The following KCNAB1 variants were observed in gnomAD, a reference collection of about 807,000 sequenced individuals.
KCNAB1 encodes the protein voltage-gated potassium channel subunit beta-1.
KCNAB1 carries 35 observed loss-of-function variants against 64.6 expected under a neutral mutation model. The observed-to-expected ratio is 0.54, with a 90% confidence interval of 0.41 to 0.72. The LOEUF (loss-of-function observed/expected upper bound fraction) is 0.72, where lower values mean the gene tolerates loss of function less well. Among genes scored for constraint, KCNAB1 ranks in the 30% least tolerant of loss-of-function variants. The pLI, the probability that KCNAB1 is intolerant of heterozygous loss-of-function variation, is 0.00. For missense variants in KCNAB1, 401 were observed against 512.9 expected, an observed-to-expected ratio of 0.78 and a Z score of 2.11; for synonymous variants, 177 against 183.8, an observed-to-expected ratio of 0.96 and a Z score of 0.30.
intron 1 of KCNAB1, among the ~76,000 whole-genome samples, chr3:156,269,988 T>C (rs1718932612): frequency 6.8e-6 from 1 of 147,070 alleles, no homozygotes; most frequent in African/African-American, 2.5e-5. Flanking sequence ...CAATCTCGGC[T>C]CACTGCAAGC....
intron 1 of KCNAB1, among the ~76,000 whole-genome samples, chr3:156,153,353 T>A (rs1038178141): frequency 2.6e-5 from 4 of 152,150 alleles, no homozygotes; most frequent in African/African-American, 9.7e-5. Flanking sequence ...GACCATATCA[T>A]GCTCATCATG....
intron 8 of KCNAB1, among the ~76,000 whole-genome samples, chr3:156,510,744 T>C (rs1268841753): frequency 6.6e-6 from 1 of 152,154 alleles, no homozygotes. Flanking sequence ...CAGTGGACAC[T>C]GTTTGGGGCT....
At chr3:156,419,853 A>T (rs974165104) in intron 1 of KCNAB1, among the ~76,000 whole-genome samples, 2 of 152,200 alleles carry the variant, frequency 1.3e-5, no homozygotes, top group African/African-American at 4.8e-5. Flanking sequence ...TTTTTAAAAA[A>T]ATTCTCCCTA....
At chr3:156,206,781 T>C (rs974397519) in intron 1 of KCNAB1, among the ~76,000 whole-genome samples, 1 of 152,228 alleles carries the variant, frequency 6.6e-6, no homozygotes, top group African/African-American at 2.4e-5. Context: ...ATTTTCTGCT[T>C]GGCTATGTAA....
chr3:156,304,738 G>T (rs947770430), intron 1 of KCNAB1, among the ~76,000 whole-genome samples: 2 of 152,202 alleles, frequency 1.3e-5, no homozygotes, highest in African/African-American at 4.8e-5. Flanking sequence ...AGAATCCAGA[G>T]GCTAACGGAA....
At chr3:156,231,548 CTCCT>C (rs1189073907) in intron 1 of KCNAB1, among the ~76,000 whole-genome samples, 4 of 135,876 alleles carry the variant, frequency 2.9e-5, no homozygotes, top group African/African-American at 8.1e-5. Context: ...CCCTTCTTCC[CTCCT>C]TCCTTCCTTC....
At chr3:156,223,296 A>G (rs1715904763) in intron 1 of KCNAB1, among the ~76,000 whole-genome samples, 1 of 152,212 alleles carries the variant, frequency 6.6e-6, no homozygotes, top group African/African-American at 2.4e-5. Context: ...CACAGTGTGG[A>G]AGGGGACCCA....
intron 11 of KCNAB1, among the ~76,000 whole-genome samples, chr3:156,519,813 C>T (rs1040473390): frequency 1.3e-5 from 2 of 152,152 alleles, no homozygotes; most frequent in African/African-American, 4.8e-5. Context: ...AGGCATGTAA[C>T]CTAAGATAAA....
At chr3:156,123,130 C>G (rs1341331379) in intron 1 of KCNAB1, among the ~76,000 whole-genome samples, 1 of 152,156 alleles carries the variant, frequency 6.6e-6, no homozygotes, top group East Asian at 1.9e-4. Flanking sequence ...TGAGTGATAT[C>G]TCCATTAGAA....
At chr3:156,193,078 TC>T (rs1713664680) in intron 1 of KCNAB1, among the ~76,000 whole-genome samples, 1 of 152,118 alleles carries the variant, frequency 6.6e-6, no homozygotes, top group South Asian at 2.1e-4. Flanking sequence ...TATTCTGTGT[TC>T]CCTTTTACCT....
intron 1 of KCNAB1, among the ~76,000 whole-genome samples, chr3:156,378,296 G>A (rs1476542720): frequency 6.6e-6 from 1 of 152,086 alleles, no homozygotes; most frequent in Non-Finnish European, 1.5e-5. Flanking sequence ...AAAGGGTGGA[G>A]GAGGTAGGAT....
intron 11 of KCNAB1, among the ~76,000 whole-genome samples, chr3:156,522,299 G>T (rs1718001826): frequency 6.6e-6 from 1 of 151,986 alleles, no homozygotes; most frequent in Admixed American, 6.6e-5. Context: ...CTTTAGTGAG[G>T]ATTGGTGATG....
chr3:156,354,146 G>A (rs13082305), intron 1 of KCNAB1, among the ~76,000 whole-genome samples: 24 of 121,148 alleles, frequency 2.0e-4, no homozygotes, highest in South Asian at 5.2e-4. Flanking sequence ...ATATATATGT[G>A]TATATATATA....
intron 1 of KCNAB1, among the ~76,000 whole-genome samples, chr3:156,221,773 CAT>C (rs1451588980): frequency 3.4e-5 from 5 of 148,648 alleles, no homozygotes; most frequent in African/African-American, 1.3e-4. Context: ...AGCAAAACTC[CAT>C]CCCCCCCCGC....
chr3:156,182,172 A>G (rs1378326670), intron 1 of KCNAB1, among the ~76,000 whole-genome samples: 3 of 152,306 alleles, frequency 2.0e-5, no homozygotes, highest in Non-Finnish European at 2.9e-5. Context: ...TCCCTCACTC[A>G]TCATAAGTCT....
At chr3:156,493,608 T>G (rs1272431704) in intron 8 of KCNAB1, among the ~76,000 whole-genome samples, 2 of 152,058 alleles carry the variant, frequency 1.3e-5, no homozygotes, top group Non-Finnish European at 2.9e-5. Context: ...ATAATCTGAG[T>G]CTTATTCATG....
chr3:156,135,398 TA>T (rs1299805213), intron 1 of KCNAB1, among the ~76,000 whole-genome samples: 1 of 152,210 alleles, frequency 6.6e-6, no homozygotes, highest in Non-Finnish European at 1.5e-5. Flanking sequence ...GGCAAAGATT[TA>T]AGTCCTTGTC....
chr3:156,152,533 A>G (rs551939951), intron 1 of KCNAB1, among the ~76,000 whole-genome samples: 22 of 152,300 alleles, frequency 1.4e-4, no homozygotes, highest in African/African-American at 5.1e-4. Flanking sequence ...GGCTAGATGG[A>G]ACATTTTTAG....
chr3:156,222,501 A>G (rs1715843434), intron 1 of KCNAB1, among the ~76,000 whole-genome samples: 1 of 152,234 alleles, frequency 6.6e-6, no homozygotes, highest in African/African-American at 2.4e-5. Flanking sequence ...CACTCCACTG[A>G]CAGCACTAGA....
Sources: gnomAD v4.1 joint callset for allele counts (sites outside exome capture counted in the v4.1 genomes callset) on GRCh38, gnomAD v4.1.1 for gene constraint, MANE v1.5 for transcripts, NCBI Gene and HGNC (gene_info 2026-07-23, HGNC 2026-07-21) for gene names.